The following ITSN2 variants were observed in gnomAD, a reference collection of about 807,000 sequenced individuals.
ITSN2 encodes intersectin-2.
Under a neutral mutation model 243.7 loss-of-function variants are expected in ITSN2, and 156 were observed. The ratio of observed to expected loss-of-function variants is 0.64; its 90% CI spans 0.56 to 0.73. The LOEUF is 0.73. Among genes scored for constraint, ITSN2 ranks in the 30% least tolerant of loss-of-function variants. The pLI is 0.00. For synonymous variants in ITSN2, 703 were observed against 699.9 expected (o/e 1.00, Z -0.07); for missense variants, 1,801 against 1,996.1 (o/e 0.90, Z 1.86).
intron 1 of ITSN2, among the ~76,000 whole-genome samples, chr2:24,345,024 A>T (rs1175350179): frequency 6.6e-6 from 1 of 152,180 alleles, no homozygotes; most frequent in Admixed American, 6.5e-5. Context: ...TCATATCTAA[A>T]TATTATCACC....
At chr2:24,353,242 T>A (rs1688176014) in intron 1 of ITSN2, among the ~76,000 whole-genome samples, 1 of 152,078 alleles carries the variant, frequency 6.6e-6, no homozygotes, top group Non-Finnish European at 1.5e-5. Flanking sequence ...AAATAAATAA[T>A]CTACGAAAGA....
In ITSN2 at chr2:24,269,058, GTT is replaced by G. The variant is rs34653734; in HGVS notation, c.2355+1611_2355+1612del. 2.5e-3 allele frequency among the ~76,000 whole-genome samples: 364 copies of G among 146,608 alleles called. 7 individuals carry two copies. In the East Asian group the frequency reaches 0.042, roughly 17 times the overall value. ...AAGTTCCCTAACATTAAACTCTCCT[GTT>G]TTTTTTTTTTTCCTACTACTAGTCA... On this transcript the variant is annotated intron_variant, in intron 20 of 39. Transcript: ENST00000355123.
intron 1 of ITSN2, among the ~76,000 whole-genome samples, chr2:24,339,019 T>G (rs1686748597): frequency 6.6e-6 from 1 of 152,006 alleles, no homozygotes; most frequent in Non-Finnish European, 1.5e-5. Context: ...TGAATGACAT[T>G]GTATAGTGTG....
At chr2:24,330,547 G>C (rs1030200601) in intron 1 of ITSN2, 2 of 797,256 alleles carry the variant, frequency 2.5e-6, no homozygotes, top group African/African-American at 1.7e-5. Context: ...GCAAAGAAGG[G>C]AGAGAAGGTA....
intron 23 of ITSN2, 99 bp downstream of exon 23, chr2:24,257,789 T>C: frequency 1.0e-6 from 1 of 971,476 alleles, no homozygotes. Flanking sequence ...AACTCAAGTA[T>C]AAAATTGTTA....
chr2:24,271,823 T>G lies in ITSN2; in HGVS notation c.2200A>C (p.Lys734Gln). The change falls in exon 19 of 40, where the codon AAA (lysine) becomes CAA (glutamine). Residue 734 changes from lysine to glutamine, a missense_variant. Lys to Gln is a moderately conservative substitution (Grantham distance 53). This residue lies in a region of ITSN2 where 787 missense variants were observed against 803.9 expected (regional missense o/e 0.98). Coordinates refer to ENST00000355123, the MANE Select transcript of ITSN2 (RefSeq NM_006277.3). ...TQEKIQEEER[K>Q]AEEKQRKDKD... ...TCCTTACGTTGTTTCTCCTCAGCTTTCCGTTCCTCTTCTTGAATTTTTTCT... is the reference window on the plus strand; with the variant it reads ...TCCTTACGTTGTTTCTCCTCAGCTTGCCGTTCCTCTTCTTGAATTTTTTCT... The G allele has an allele frequency of 6.2e-7, 1 of 1,609,634 alleles. No homozygotes were observed. Among genetic ancestry groups the G allele is most frequent in the Non-Finnish European group, 8.5e-7 (1 of 1,179,140 alleles).
intron 17 of ITSN2, 108 bp downstream of exon 17, chr2:24,284,655 T>G: frequency 1.4e-6 from 1 of 703,754 alleles, no homozygotes; most frequent in Non-Finnish European, 2.5e-6. Flanking sequence ...ATATTGTATA[T>G]GTTATTTCAA....
chr2:24,220,566 A>G, intron 30 of ITSN2: 1 of 1,060,474 alleles, frequency 9.4e-7, no homozygotes, highest in Non-Finnish European at 1.1e-6. Flanking sequence ...TCAGATGTTA[A>G]AACAGATATT....
chr2:24,254,247 T>C (rs1373222147), intron 24 of ITSN2, 120 bp downstream of exon 24: 14 of 699,270 alleles, frequency 2.0e-5, no homozygotes, highest in Admixed American at 1.5e-4. Context: ...ACTTTAATAC[T>C]GCAGACACAG....
At chr2:24,272,563 C>T (rs191561412) in intron 18 of ITSN2, among the ~76,000 whole-genome samples, 17 of 151,824 alleles carry the variant, frequency 1.1e-4, no homozygotes, top group Non-Finnish European at 2.4e-4. Flanking sequence ...TCCAAAGTAG[C>T]TAGCACTACA....
At chr2:24,287,299 T>C (rs561604928) in intron 15 of ITSN2, among the ~76,000 whole-genome samples, 2 of 152,270 alleles carry the variant, frequency 1.3e-5, no homozygotes, top group African/African-American at 4.8e-5. Flanking sequence ...ATAATTTATA[T>C]AACTACCTTT....
At chr2:24,360,223 C>T (rs1044725505) in intron 1 of ITSN2, 81 bp downstream of exon 1, 6 of 152,452 alleles carry the variant, frequency 3.9e-5, no homozygotes, top group African/African-American at 7.2e-5. Flanking sequence ...CTCAGCCCGA[C>T]CCGCAGAGCC....
At chr2:24,258,986 T>C (rs1281630185) in intron 22 of ITSN2, among the ~76,000 whole-genome samples, 1 of 152,186 alleles carries the variant, frequency 6.6e-6, no homozygotes, top group Non-Finnish European at 1.5e-5. Context: ...CTAAATACTC[T>C]TAATTATGCC....
chr2:24,268,876 C>T (rs574179070), intron 20 of ITSN2, among the ~76,000 whole-genome samples: 4 of 152,236 alleles, frequency 2.6e-5, no homozygotes, highest in Middle Eastern at 3.4e-3. Flanking sequence ...TCCTCTTCCT[C>T]TCTTCCAATT....
intron 22 of ITSN2, 112 bp from the exon 23 acceptor site, chr2:24,258,205 G>T: frequency 1.4e-6 from 1 of 736,078 alleles, no homozygotes. Flanking sequence ...TTGTGTCGTG[G>T]TGACTTAAGA....
At chr2:24,220,789 G>C (rs1250141687) in intron 30 of ITSN2, 156 bp downstream of exon 30, 2 of 1,425,192 alleles carry the variant, frequency 1.4e-6, no homozygotes, top group African/African-American at 1.5e-5. Flanking sequence ...ACAGCATTTG[G>C]AGGATGTGAG....
chr2:24,299,804 A>G (rs1681490100), intron 12 of ITSN2, 105 bp downstream of exon 12: 16 of 953,328 alleles, frequency 1.7e-5, no homozygotes, highest in Non-Finnish European at 2.5e-5. Context: ...ATGCAGAGCA[A>G]AAGGCAAAAC....
intron 20 of ITSN2, among the ~76,000 whole-genome samples, chr2:24,268,444 T>C (rs1676934731): frequency 1.3e-5 from 2 of 152,174 alleles, no homozygotes; most frequent in Admixed American, 1.3e-4. Context: ...TCCAGCCTTC[T>C]AGCCTTTTCA....
Position 24,209,696 on chromosome 2 carries a change from G to A in ITSN2, c.4473+122C>T, listed in dbSNP as rs780809550. 38 of 734,450 alleles carry A rather than the reference G, an allele frequency of 5.2e-5. No individual in the cohort carries two copies. The African/African-American group carries it at 6.5e-4, about 13-fold the overall frequency. 45.5% of individuals were successfully genotyped at this position (734,450 alleles called of 1,614,324 possible). ...GTGGGAAGCAGCAAAGGAAGCACGA[G>A]CGATCTGGAACCAGGTGAGGAGGGT... On this transcript the variant is annotated intron_variant, in intron 35 of 39. Coordinates refer to ENST00000355123, the MANE Select transcript of ITSN2 (RefSeq NM_006277.3).
Sources: allele counts gnomAD v4.1 joint callset (sites outside exome capture counted in the v4.1 genomes callset), GRCh38; gene constraint gnomAD v4.1.1; regional missense constraint gnomAD v4.1.1; transcripts MANE v1.5; gene names NCBI Gene and HGNC (gene_info 2026-07-23, HGNC 2026-07-21).